COL5A1: variants seen among roughly 807,000 people sequenced by gnomAD.
The protein encoded by COL5A1 is collagen alpha-1(V) chain.
Under a neutral mutation model 263.7 loss-of-function variants are expected in COL5A1, and 16 were observed. That is an observed-to-expected ratio of 0.06 (90% CI 0.04 to 0.09). The LOEUF (loss-of-function observed/expected upper bound fraction) is 0.09. Ranked by LOEUF, COL5A1 falls within the 10% of genes least tolerant of loss-of-function variation. COL5A1 has a pLI of 1.00. For missense variants in COL5A1, 2,036 were observed against 2,540.5 expected (o/e 0.80, Z 4.27); for synonymous variants, 1,012 against 1,004.5 (o/e 1.01, Z -0.14).
At chr9:134,688,763 G>A (rs555200483) in intron 1 of COL5A1, among the ~76,000 whole-genome samples, 1 of 152,306 alleles carries the variant, frequency 6.6e-6, no homozygotes, top group African/African-American at 2.4e-5. Flanking sequence ...TGATTTAATT[G>A]GCAGAGGACT....
intron 2 of COL5A1, among the ~76,000 whole-genome samples, chr9:134,698,317 G>GAA (rs1206560650): frequency 5.9e-5 from 9 of 152,358 alleles, no homozygotes; most frequent in African/African-American, 2.2e-4. Flanking sequence ...GGTCAACACA[G>GAA]GGTGCCCGGC....
At position 134,726,495 on chromosome 9, in the gene COL5A1, T is replaced by C. The variant is rs1281971685; in HGVS notation, c.655-771T>C. 3.3e-5 allele frequency among the ~76,000 whole-genome samples: 5 copies of C among 151,116 alleles called. No individual in the cohort carries two copies. In the South Asian group the frequency reaches 8.4e-4, roughly 25 times the overall value. ...GTGAATGGGTTGAAGGATGAGTGGA[T>C]AGATGGATAGATGGATAGAAGGATG... On this transcript the variant is annotated intron_variant, in intron 4 of 65. Coordinates refer to ENST00000371817, the MANE Select transcript of COL5A1 (RefSeq NM_000093.5).
intron 4 of COL5A1, among the ~76,000 whole-genome samples, chr9:134,720,914 A>G (rs1834426423): frequency 6.6e-6 from 1 of 152,112 alleles, no homozygotes; most frequent in South Asian, 2.1e-4. Context: ...AGCTGCCTTC[A>G]AGGTCTGTGA....
At chr9:134,663,124 T>C (rs1416433685) in intron 1 of COL5A1, among the ~76,000 whole-genome samples, 1 of 152,244 alleles carries the variant, frequency 6.6e-6, no homozygotes, top group East Asian at 1.9e-4. Flanking sequence ...TGAACAACTG[T>C]TCTCTGCACG....
intron 30 of COL5A1, 45 bp from the exon 31 acceptor site, chr9:134,785,950 G>C (rs45497895): frequency 6.4e-7 from 1 of 1,556,292 alleles, no homozygotes; most frequent in Non-Finnish European, 8.8e-7. Flanking sequence ...GAAACGGATG[G>C]AGCAATACCG....
chr9:134,761,135 A>C (rs1836416292), intron 18 of COL5A1, among the ~76,000 whole-genome samples: 1 of 144,594 alleles, frequency 6.9e-6, no homozygotes, highest in African/African-American at 2.6e-5. Flanking sequence ...TCATACCCCC[A>C]CATGCATACA....
rs886136427 is a variant in COL5A1 at position 134,678,097 on chromosome 9, T to C, written c.110-12815T>C. 6.6e-6 allele frequency among the ~76,000 whole-genome samples: 1 copy of C among 152,164 alleles called. No homozygotes were observed. Among genetic ancestry groups the C allele is most frequent in the Non-Finnish European group, 1.5e-5 (1 of 68,026 alleles). On this transcript the variant is annotated intron_variant, in intron 1 of 65. Transcript: ENST00000371817. The surrounding 1 kb of genome is among the most constrained non-coding windows in gnomAD (Gnocchi z 5.5). Reference sequence around the variant, plus strand: ...CAGCGTCACTCCCTCCGCAGCAGGGTATCTGCAGGGGTCTTGGAGGCATTC... The same window carrying C: ...CAGCGTCACTCCCTCCGCAGCAGGGCATCTGCAGGGGTCTTGGAGGCATTC...
At chr9:134,809,390 G>A (rs1380837884) in intron 43 of COL5A1, 100 bp downstream of exon 43, 11 of 944,292 alleles carry the variant, frequency 1.2e-5, no homozygotes, top group South Asian at 2.8e-5. Flanking sequence ...CAGGTAGAGC[G>A]GCTCAGCCAG....
At position 134,787,842 on chromosome 9, in the gene COL5A1, C is replaced by T. The variant is rs142712688; in HGVS notation, c.2647-1313C>T. 1.9e-3 allele frequency among the ~76,000 whole-genome samples: 287 copies of T among 152,338 alleles called. 1 individual carries two copies. The highest frequency in any genetic ancestry group is 3.1e-3 in the Non-Finnish European group (209 of 68,030). On this transcript the variant is annotated intron_variant, in intron 31 of 65. Coordinates refer to ENST00000371817, the MANE Select transcript of COL5A1 (RefSeq NM_000093.5). The stretch of plus-strand genomic sequence containing the variant: ...TGTGTCCCTTTCTCCCAAACACCAG[C>T]CACCCTCCTATGGATATGGGCGCGT...
At chr9:134,780,175 C>A in intron 28 of COL5A1, 29 bp downstream of exon 28, 1 of 1,611,750 alleles carries the variant, frequency 6.2e-7, no homozygotes, top group Non-Finnish European at 8.5e-7. Flanking sequence ...CCACGGGGCC[C>A]CCTGCTTAGT....
intron 4 of COL5A1, among the ~76,000 whole-genome samples, chr9:134,724,883 C>T (rs769545042): frequency 2.0e-5 from 3 of 150,666 alleles, no homozygotes; most frequent in Admixed American, 6.6e-5. Flanking sequence ...GAACCAGGCT[C>T]GGGTGAACCA....
At chr9:134,663,530 C>T (rs942081748) in intron 1 of COL5A1, among the ~76,000 whole-genome samples, 3 of 152,100 alleles carry the variant, frequency 2.0e-5, no homozygotes, top group Non-Finnish European at 4.4e-5. Context: ...TCCTCCAGTT[C>T]CTTCTTTAAT....
chr9:134,702,798 G>A (rs770391474), intron 4 of COL5A1, among the ~76,000 whole-genome samples: 35 of 152,170 alleles, frequency 2.3e-4, no homozygotes, highest in Non-Finnish European at 4.4e-4. Flanking sequence ...TTTGGGCCTC[G>A]GGCAAGCTGC....
At chr9:134,834,227 C>A (rs1028910393) in intron 64 of COL5A1, among the ~76,000 whole-genome samples, 5 of 152,342 alleles carry the variant, frequency 3.3e-5, no homozygotes, top group South Asian at 4.1e-4. Flanking sequence ...TCGCCTGCTG[C>A]TCCAGGTGCC....
chr9:134,643,058 C>A (rs538162025), intron 1 of COL5A1, among the ~76,000 whole-genome samples: 1 of 152,288 alleles, frequency 6.6e-6, no homozygotes, highest in East Asian at 1.9e-4. Flanking sequence ...ATGTGGGATT[C>A]CTTCTGCCAA....
intron 2 of COL5A1, among the ~76,000 whole-genome samples, chr9:134,692,101 TGAGA>T (rs1833305506): frequency 6.6e-6 from 1 of 152,256 alleles, no homozygotes; most frequent in East Asian, 1.9e-4. Flanking sequence ...AGTTTGTCTC[TGAGA>T]GAATCTGGGC....
intron 61 of COL5A1, 33 bp downstream of exon 61, chr9:134,823,502 G>A (rs778950810): frequency 1.8e-5 from 29 of 1,610,298 alleles, no homozygotes; most frequent in African/African-American, 5.3e-5. Flanking sequence ...AAAGCGGGAC[G>A]GGGGCTCTGG....
At chr9:134,666,569 C>G (rs1431062807) in intron 1 of COL5A1, among the ~76,000 whole-genome samples, 1 of 152,234 alleles carries the variant, frequency 6.6e-6, no homozygotes, top group Non-Finnish European at 1.5e-5. Flanking sequence ...GCGTCTTCCT[C>G]TTCTCTCTCC....
At chr9:134,815,853 G>T in intron 51 of COL5A1, 82 bp from the exon 52 acceptor site, 2 of 1,541,794 alleles carry the variant, frequency 1.3e-6, no homozygotes, top group East Asian at 4.5e-5. Flanking sequence ...TTTGGGAAGG[G>T]GCTGGAGATG....
Sources: gnomAD v4.1 joint callset for allele counts (sites outside exome capture counted in the v4.1 genomes callset) on GRCh38, gnomAD v4.1.1 for gene constraint, Gnocchi (gnomAD v3.1) non-coding constraint, MANE v1.5 for transcripts, NCBI Gene and HGNC (gene_info 2026-07-23, HGNC 2026-07-21) for gene names.